Variants in EPAS1 observed in about 807,000 individuals in gnomAD.
EPAS1 encodes endothelial PAS domain-containing protein 1.
In EPAS1, 23 loss-of-function variants were observed where a neutral mutation model predicts 87.9. That is an observed-to-expected ratio of 0.26 (90% CI 0.19 to 0.37). The LOEUF is 0.37. Ranked by LOEUF, EPAS1 falls within the 10% of genes least tolerant of loss-of-function variation. EPAS1 has a pLI of 1.00. For synonymous variants in EPAS1, 508 were observed against 444.3 expected, an observed-to-expected ratio of 1.14 and a Z score of -1.80; for missense variants, 1,138 against 1,120.7, an observed-to-expected ratio of 1.02 and a Z score of -0.22.
rs1684034785 is a variant in EPAS1 at position 46,346,727 on chromosome 2, G to A, written c.27-146G>A. On this transcript the variant is annotated intron_variant, in intron 1 of 15. Coordinates refer to ENST00000263734, the MANE Select transcript of EPAS1 (RefSeq NM_001430.5). This position sits in a 1 kb window ranked among gnomAD's most constrained non-coding sequence, Gnocchi z 4.0. Reference sequence around the variant, plus strand: ...GCTAACAATACAAAGCAGGTTGTGTGTGGCTCAGACAACTGGTGTGAGCCC... The same window carrying A: ...GCTAACAATACAAAGCAGGTTGTGTATGGCTCAGACAACTGGTGTGAGCCC... 4 of 797,792 alleles carry A rather than the reference G, an allele frequency of 5.0e-6. No homozygotes were observed. The highest frequency in any genetic ancestry group is 2.9e-4 in the Middle Eastern group (1 of 3,398). 49.4% of individuals were successfully genotyped at this position (797,792 alleles called of 1,614,324 possible).
At chr2:46,367,700 C>A (rs1383856224) in intron 6 of EPAS1, among the ~76,000 whole-genome samples, 1 of 152,256 alleles carries the variant, frequency 6.6e-6, no homozygotes, top group Admixed American at 6.5e-5. Context: ...CTGCTAGGAT[C>A]TCACTGGAGA....
chr2:46,323,331 T>C (rs1404829588), intron 1 of EPAS1, among the ~76,000 whole-genome samples: 3 of 152,232 alleles, frequency 2.0e-5, no homozygotes, highest in Non-Finnish European at 4.4e-5. Context: ...AAACAGTTGT[T>C]AAGAAAGGAA....
At chr2:46,299,222 C>G (rs1390383499) in intron 1 of EPAS1, among the ~76,000 whole-genome samples, 1 of 152,256 alleles carries the variant, frequency 6.6e-6, no homozygotes, top group Non-Finnish European at 1.5e-5. Context: ...CCTCGGGGCA[C>G]CGATAAGGAT....
At chr2:46,330,141 T>C (rs1239704512) in intron 1 of EPAS1, among the ~76,000 whole-genome samples, 1 of 152,224 alleles carries the variant, frequency 6.6e-6, no homozygotes, top group Non-Finnish European at 1.5e-5. Flanking sequence ...CCTCCAAGTT[T>C]CCATCTTAAT....
chr2:46,332,237 C>T (rs996604792), intron 1 of EPAS1, among the ~76,000 whole-genome samples: 4 of 148,616 alleles, frequency 2.7e-5, no homozygotes, highest in African/African-American at 5.0e-5. Flanking sequence ...TTCCCTGTCA[C>T]CTGTCAGTGT....
chr2:46,338,531 T>C (rs2104864691), intron 1 of EPAS1, among the ~76,000 whole-genome samples: 1 of 152,296 alleles, frequency 6.6e-6, no homozygotes, highest in East Asian at 1.9e-4. Context: ...GAGTCTTCTC[T>C]ATACATCCCT....
intron 1 of EPAS1, among the ~76,000 whole-genome samples, chr2:46,325,584 A>G (rs1303215208): frequency 6.6e-6 from 1 of 152,156 alleles, no homozygotes; most frequent in Non-Finnish European, 1.5e-5. Context: ...TAGCTAGTCA[A>G]CCTTTCCATT....
chr2:46,306,427 G>A (rs1683109917), intron 1 of EPAS1, among the ~76,000 whole-genome samples: 1 of 152,148 alleles, frequency 6.6e-6, no homozygotes, highest in Admixed American at 6.5e-5. Context: ...CCATGGTGAG[G>A]GAAAGCCCAT....
chr2:46,324,607 C>T (rs765281754), intron 1 of EPAS1, among the ~76,000 whole-genome samples: 2 of 152,206 alleles, frequency 1.3e-5, no homozygotes, highest in African/African-American at 2.4e-5. Context: ...CTGTGATATG[C>T]CCTATAGACT....
At chr2:46,353,198 C>CA (rs1276213280) in intron 2 of EPAS1, among the ~76,000 whole-genome samples, 1 of 152,192 alleles carries the variant, frequency 6.6e-6, no homozygotes, top group Non-Finnish European at 1.5e-5. Context: ...CACTCATCTC[C>CA]AAAATAAGTC....
intron 6 of EPAS1, among the ~76,000 whole-genome samples, chr2:46,365,451 G>A (rs961872280): frequency 6.6e-6 from 1 of 152,202 alleles, no homozygotes; most frequent in Admixed American, 6.5e-5. Flanking sequence ...CTACAAAGAA[G>A]TTGAGAATAA....
chr2:46,306,044 A>G (rs1683104187), intron 1 of EPAS1, among the ~76,000 whole-genome samples: 2 of 152,178 alleles, frequency 1.3e-5, no homozygotes, highest in South Asian at 4.1e-4. Context: ...CTTGTTATGA[A>G]TAAGAGGACA....
At chr2:46,363,004 G>A (rs1455499215) in intron 6 of EPAS1, among the ~76,000 whole-genome samples, 4 of 148,906 alleles carry the variant, frequency 2.7e-5, no homozygotes, top group African/African-American at 1.0e-4. Flanking sequence ...TGGTGGTGGT[G>A]GTGGTGGTGG....
At chr2:46,374,691 G>C (rs1558608226) in intron 7 of EPAS1, among the ~76,000 whole-genome samples, 1 of 152,118 alleles carries the variant, frequency 6.6e-6, no homozygotes, top group Non-Finnish European at 1.5e-5. Flanking sequence ...CTGGAGTTCT[G>C]TAAATTCCCA....
chr2:46,309,955 G>T lies in EPAS1; in HGVS notation c.26+12018G>T, dbSNP rs1396159227. ...TAGCTCTAGTGTGAGCATCAAGTGGGTGGTTGGAGGAGGCCATGATTTGTC... is the reference window on the plus strand; with the variant it reads ...TAGCTCTAGTGTGAGCATCAAGTGGTTGGTTGGAGGAGGCCATGATTTGTC... On this transcript the variant is annotated intron_variant, in intron 1 of 15. Transcript: ENST00000263734. Among the ~76,000 whole-genome samples the T allele has an allele frequency of 7.2e-4, 109 of 152,232 alleles. 1 individual carries two copies. Among genetic ancestry groups the T allele is most frequent in the Non-Finnish European group, 2.5e-4 (17 of 68,048 alleles).
chr2:46,356,952 T>G (rs542793806), intron 4 of EPAS1, 144 bp downstream of exon 4: 1 of 686,188 alleles, frequency 1.5e-6, no homozygotes, highest in African/African-American at 1.8e-5. Flanking sequence ...GTATGTAGCC[T>G]GTGAGATGAG....
At chr2:46,309,276 T>G (rs767508207) in intron 1 of EPAS1, among the ~76,000 whole-genome samples, 1 of 151,816 alleles carries the variant, frequency 6.6e-6, no homozygotes, top group Non-Finnish European at 1.5e-5. Context: ...CCTCCCAAAT[T>G]CAGGTGCTAT....
At chr2:46,344,718 G>T (rs1683985960) in intron 1 of EPAS1, among the ~76,000 whole-genome samples, 1 of 152,206 alleles carries the variant, frequency 6.6e-6, no homozygotes, top group Non-Finnish European at 1.5e-5. Flanking sequence ...AAGTCAGGGA[G>T]AGAGGGAAAC....
chr2:46,306,581 G>A (rs1404189502), intron 1 of EPAS1, among the ~76,000 whole-genome samples: 1 of 152,188 alleles, frequency 6.6e-6, no homozygotes, highest in Non-Finnish European at 1.5e-5. Context: ...ATGACTTCCT[G>A]TTACTGAAGC....
Sources: allele counts gnomAD v4.1 joint callset (sites outside exome capture counted in the v4.1 genomes callset), GRCh38; gene constraint gnomAD v4.1.1; non-coding constraint Gnocchi (gnomAD v3.1); transcripts MANE v1.5; gene names NCBI Gene and HGNC (gene_info 2026-07-23, HGNC 2026-07-21).